Variants in EPHB4 observed in about 807,000 individuals in gnomAD.
The protein encoded by EPHB4 is ephrin type-B receptor 4.
A neutral mutation model predicts 110.6 loss-of-function variants in EPHB4; 50 were observed. The observed-to-expected ratio is 0.45, with a 90% confidence interval of 0.36 to 0.57. The LOEUF is 0.57. Ranked by LOEUF, EPHB4 falls within the 20% of genes least tolerant of loss-of-function variation. The probability of loss-of-function intolerance (pLI) is 0.00; values close to 1 mark genes in which losing one functional copy is unlikely to be tolerated. For missense variants in EPHB4, 1,128 were observed against 1,382.1 expected, an observed-to-expected ratio of 0.82 and a Z score of 2.91; for synonymous variants, 592 against 578.4, an observed-to-expected ratio of 1.02 and a Z score of -0.34.
rs529425818 is a variant in EPHB4 at position 100,803,413 on chromosome 7, C to T, written c.*48G>A. 3.4e-5 allele frequency: 50 copies of T among 1,479,308 alleles called. No individual in the cohort carries two copies. The highest frequency in any genetic ancestry group is 4.1e-5 in the Non-Finnish European group (45 of 1,099,814). The allele number at this position is 1,479,308 out of a possible 1,614,324, so 91.6% of individuals were successfully genotyped here. On this transcript the variant is annotated 3_prime_UTR_variant, in exon 17 of 17. Transcript: ENST00000358173. ...GGGCCTCTGTGAGTCCCCACTCTGCCCCGGAAAATGGGGAGGCGGTGTCCC... is the reference window on the plus strand; with the variant it reads ...GGGCCTCTGTGAGTCCCCACTCTGCTCCGGAAAATGGGGAGGCGGTGTCCC...
At chr7:100,825,721 G>A (rs1332019121) in intron 1 of EPHB4, among the ~76,000 whole-genome samples, 3 of 152,198 alleles carry the variant, frequency 2.0e-5, no homozygotes, top group South Asian at 2.1e-4. Context: ...CACCCTTAGC[G>A]TTGCTGGATG....
intron 7 of EPHB4, among the ~76,000 whole-genome samples, chr7:100,818,163 G>A (rs1385818107): frequency 1.3e-5 from 2 of 151,638 alleles, no homozygotes; most frequent in African/African-American, 4.8e-5. Flanking sequence ...TACCGCGCCC[G>A]GCCCATTTTA....
Position 100,827,209 on chromosome 7 carries a change from C to A in EPHB4, c.-179G>T. On this transcript the variant is annotated 5_prime_UTR_variant, in exon 1 of 17. Coordinates refer to ENST00000358173, the MANE Select transcript of EPHB4 (RefSeq NM_004444.5). ...GGCGGCGGCGCCAAGTGTGGCCCCG[C>A]GTCTGTGCCGCGCGCGCGGGCGGCG... The A allele has an allele frequency of 2.7e-6, 1 of 371,050 alleles. No homozygotes were observed. Among genetic ancestry groups the A allele is most frequent in the Non-Finnish European group, 4.3e-6 (1 of 235,258 alleles). The allele number at this position is 371,050 out of a possible 1,614,324, so 23.0% of individuals were successfully genotyped here.
chr7:100,812,211 A>G (rs1812951132), intron 12 of EPHB4, among the ~76,000 whole-genome samples: 1 of 152,020 alleles, frequency 6.6e-6, no homozygotes, highest in Non-Finnish European at 1.5e-5. Flanking sequence ...TTAAAAAAAA[A>G]AAGAAGGAAT....
chr7:100,817,118 T>G, intron 8 of EPHB4, 74 bp downstream of exon 8: 1 of 1,328,604 alleles, frequency 7.5e-7, no homozygotes, highest in South Asian at 1.8e-5. Flanking sequence ...GATGGGACTT[T>G]GGAGACCTGG....
chr7:100,820,030 A>C, intron 5 of EPHB4, 111 bp downstream of exon 5: 2 of 1,517,642 alleles, frequency 1.3e-6, no homozygotes, highest in Non-Finnish European at 1.8e-6. Flanking sequence ...AGGGACAAGC[A>C]TGCCAGGGAC....
At position 100,817,342 on chromosome 7, in the gene EPHB4, T is replaced by C. The variant is rs748460098; in HGVS notation, c.1438A>G (p.Ser480Gly). The C allele has an allele frequency of 1.3e-6, 2 of 1,576,456 alleles. No individual in the cohort carries two copies. The highest frequency in any genetic ancestry group is 4.7e-5 in the East Asian group (2 of 42,676). The change falls in exon 8 of 17, where the codon AGC (serine) becomes GGC (glycine). Residue 480 changes from serine (S) to glycine (G), a missense_variant. Around this residue, in one of 3 missense-constraint regions of EPHB4, gnomAD observed 728 missense variants for 828.6 expected, o/e 0.88. Transcript: ENST00000358173. Reference sequence around the variant, plus strand: ...GACGTCTTCAGGAACCGCACGCTGCTGGGACCCTCGGCGCCCTGTCCGGGA... The same window carrying C: ...GACGTCTTCAGGAACCGCACGCTGCCGGGACCCTCGGCGCCCTGTCCGGGA... ...KYHEKGAEGP[S>G]SVRFLKTSEN...
At position 100,820,120 on chromosome 7, in the gene EPHB4, AC is replaced by A. The variant is rs1269633077; in HGVS notation, c.964+20del. 1 of 1,611,384 alleles carries A rather than the reference AC, an allele frequency of 6.2e-7. No homozygotes were observed. Among genetic ancestry groups the A allele is most frequent in the Non-Finnish European group, 8.5e-7 (1 of 1,178,804 alleles). ...CTGTGACCCCTCCCCAGTGAACTGC[AC>A]CTGGGTGCTGGTCACTTACTGGTGC... On this transcript the variant is annotated intron_variant, in intron 5 of 16. Transcript: ENST00000358173.
At chr7:100,824,758 CT>C in intron 1 of EPHB4, 1 of 164,282 alleles carries the variant, frequency 6.1e-6, no homozygotes, top group Non-Finnish European at 1.3e-5. Flanking sequence ...ACACCCCGTC[CT>C]TCCCTCCTTG....
At position 100,826,964 on chromosome 7, in the gene EPHB4, CG is replaced by C. The variant is rs35907339; in HGVS notation, c.52+14del. 0.26 allele frequency: 373,477 copies of C among 1,423,328 alleles called. 35,102 individuals carry two copies. Among genetic ancestry groups the C allele is most frequent in the Middle Eastern group, 0.37 (2,043 of 5,482 alleles). 88.2% of individuals were successfully genotyped at this position (1,423,328 alleles called of 1,614,324 possible). A position where few individuals can be genotyped will look rare whatever the true frequency, so the allele number is the denominator to read the frequency against. On this transcript the variant is annotated intron_variant, in intron 1 of 16. Coordinates refer to ENST00000358173, the MANE Select transcript of EPHB4 (RefSeq NM_004444.5). Reference sequence around the variant, plus strand: ...AGGAGTGACGGGGTGCGCCCCCCCCCGCAAGGAAACTCACCTTCCAAAGCTG... The same window carrying C: ...AGGAGTGACGGGGTGCGCCCCCCCCCCAAGGAAACTCACCTTCCAAAGCTG...
Position 100,803,551 on chromosome 7 carries a change from C to T in EPHB4, c.2874G>A (p.Gln958=). ...GCTGGACACTGGCCAAGATTTTCTT[C>T]TGGTGTCCCGCCAGAGTGACTCCGA... ...LRIGVTLAGH[Q]KKILASVQHM... is the part of the protein sequence containing the mutation. The change falls in exon 17 of 17, where the codon CAG becomes CAA. Residue 958 remains glutamine (Q), a synonymous_variant. Transcript: ENST00000358173. The T allele has an allele frequency of 6.2e-7, 1 of 1,605,220 alleles. No individual in the cohort carries two copies. The highest frequency in any genetic ancestry group is 1.1e-5 in the South Asian group (1 of 89,082).
intron 2 of EPHB4, 59 bp from the exon 3 acceptor site, chr7:100,823,990 G>T: frequency 5.3e-6 from 8 of 1,523,434 alleles, no homozygotes; most frequent in Non-Finnish European, 7.1e-6. Flanking sequence ...AGGGCTGCAT[G>T]GGGTGAATCC....
chr7:100,806,360 C>A, intron 14 of EPHB4, 60 bp downstream of exon 14: 1 of 1,561,700 alleles, frequency 6.4e-7, no homozygotes, highest in African/African-American at 1.4e-5. Flanking sequence ...CCACCCTTCA[C>A]CCCAAATCCC....
At chr7:100,814,127 TACAGGGGA>T in intron 8 of EPHB4, 106 bp from the exon 9 acceptor site, 1 of 1,231,678 alleles carries the variant, frequency 8.1e-7, no homozygotes, top group South Asian at 1.4e-5. Context: ...AGGTCCCCAG[TACAGGGGA>T]CAGGTGGAGG....
chr7:100,820,741 G>A (rs996323922), intron 4 of EPHB4, among the ~76,000 whole-genome samples: 1 of 152,168 alleles, frequency 6.6e-6, no homozygotes, highest in Non-Finnish European at 1.5e-5. Flanking sequence ...GAGGAAAAAA[G>A]TTTGGGCTAC....
rs1812924764 is a variant in EPHB4, at chr7:100,811,231, G to A, written c.2118+1516C>T. On this transcript the variant is annotated intron_variant, in intron 12 of 16. Coordinates refer to ENST00000358173, the MANE Select transcript of EPHB4 (RefSeq NM_004444.5). The stretch of plus-strand genomic sequence containing the variant: ...CGCACCACTGCACTCCAGCCTGGGT[G>A]ACAGATGGAAACTCCATCTCAAGAA... 1.3e-5 allele frequency among the ~76,000 whole-genome samples: 2 copies of A among 150,190 alleles called. 1 individual carries two copies. The highest frequency in any genetic ancestry group is 1.3e-4 in the Admixed American group (2 of 14,986).
chr7:100,811,218 C>T (rs886999901), intron 12 of EPHB4, among the ~76,000 whole-genome samples: 6 of 151,242 alleles, frequency 4.0e-5, no homozygotes, highest in Non-Finnish European at 8.8e-5. Context: ...CACCACTGCA[C>T]TCCAGCCTGG....
At chr7:100,810,940 T>C (rs1421595696) in intron 12 of EPHB4, among the ~76,000 whole-genome samples, 2 of 151,742 alleles carry the variant, frequency 1.3e-5, no homozygotes, top group African/African-American at 4.8e-5. Flanking sequence ...CATAGAAAAA[T>C]GTTTTGATTT....
chr7:100,822,735 CTTCCCA>C lies in EPHB4; in HGVS notation c.412-74_412-69del. On this transcript the variant is annotated intron_variant, in intron 3 of 16. Transcript: ENST00000358173. This position sits in a 1 kb window ranked among gnomAD's most constrained non-coding sequence, Gnocchi z 4.7. ...TGAGGACCCAGCGGACTGTTGTGTT[CTTCCCA>C]GCTCACCCTCCCGGACCTCCTTGGT... The C allele has an allele frequency of 6.9e-7, 1 of 1,443,690 alleles. No individual in the cohort carries two copies. The highest frequency in any genetic ancestry group is 2.5e-5 in the East Asian group (1 of 39,956). 89.4% of individuals were successfully genotyped at this position (1,443,690 alleles called of 1,614,324 possible).
Sources: allele counts gnomAD v4.1 joint callset (sites outside exome capture counted in the v4.1 genomes callset), GRCh38; gene constraint gnomAD v4.1.1; regional missense constraint gnomAD v4.1.1; non-coding constraint Gnocchi (gnomAD v3.1); transcripts MANE v1.5; gene names NCBI Gene and HGNC (gene_info 2026-07-23, HGNC 2026-07-21).